The following ROBO1 variants were observed in gnomAD, a reference collection of about 807,000 sequenced individuals.
The protein encoded by ROBO1 is roundabout homolog 1.
Under a neutral mutation model 195.9 loss-of-function variants are expected in ROBO1, and 149 were observed. The observed-to-expected ratio is 0.76, with a 90% CI of 0.67 to 0.87. The LOEUF is 0.87. Among genes scored for constraint, ROBO1 ranks in the 40% least tolerant of loss-of-function variants. ROBO1 has a pLI of 0.00. For missense variants in ROBO1, 1,933 were observed against 2,068.3 expected, an observed-to-expected ratio of 0.93 and a Z score of 1.27; for synonymous variants, 816 against 733.2, an observed-to-expected ratio of 1.11 and a Z score of -1.82.
intron 2 of ROBO1, among the ~76,000 whole-genome samples, chr3:79,575,310 TATATATATAAC>T (rs2107765607): frequency 8.3e-6 from 1 of 120,674 alleles, no homozygotes; most frequent in South Asian, 2.4e-4. Context: ...TATATATAAA[TATATATATAAC>T]ATATATATAA....
At chr3:78,711,583 T>A (rs2081748561) in intron 8 of ROBO1, among the ~76,000 whole-genome samples, 1 of 150,786 alleles carries the variant, frequency 6.6e-6, no homozygotes, top group East Asian at 2.0e-4. Flanking sequence ...TCTCGCAGGT[T>A]CAAGCGATTC....
chr3:79,372,048 TGCCGC>T (rs2036214131), intron 2 of ROBO1, among the ~76,000 whole-genome samples: 1 of 152,022 alleles, frequency 6.6e-6, no homozygotes, highest in African/African-American at 2.4e-5. Flanking sequence ...GAGAATCTAG[TGCCGC>T]AGCTGATCTG....
chr3:79,014,389 C>T (rs1576566954), intron 3 of ROBO1, among the ~76,000 whole-genome samples: 1 of 152,154 alleles, frequency 6.6e-6, no homozygotes, highest in South Asian at 2.1e-4. Flanking sequence ...AGGAGAATCA[C>T]GTGAACCCAG....
intron 1 of ROBO1, among the ~76,000 whole-genome samples, chr3:79,629,871 A>C (rs1440411200): frequency 1.3e-5 from 2 of 152,070 alleles, no homozygotes; most frequent in African/African-American, 4.8e-5. Context: ...CTCTATGCAC[A>C]CAAAAAACCA....
intron 2 of ROBO1, among the ~76,000 whole-genome samples, chr3:79,262,990 G>A (rs2082968619): frequency 6.6e-6 from 1 of 152,040 alleles, no homozygotes; most frequent in Admixed American, 6.6e-5. Flanking sequence ...AGATTAGAGA[G>A]TTTTAGGGAC....
intron 1 of ROBO1, among the ~76,000 whole-genome samples, chr3:79,611,584 G>A (rs913271977): frequency 6.6e-6 from 1 of 152,132 alleles, no homozygotes; most frequent in Non-Finnish European, 1.5e-5. Flanking sequence ...CATGTCCTTT[G>A]CAGGGACATG....
At chr3:79,518,689 T>C (rs1222779076) in intron 2 of ROBO1, among the ~76,000 whole-genome samples, 1 of 151,934 alleles carries the variant, frequency 6.6e-6, no homozygotes, top group Non-Finnish European at 1.5e-5. Flanking sequence ...TTATTATTAT[T>C]ATTATTTTTA....
At chr3:78,711,779 A>G (rs1014601523) in intron 8 of ROBO1, among the ~76,000 whole-genome samples, 5 of 150,800 alleles carry the variant, frequency 3.3e-5, no homozygotes, top group Non-Finnish European at 5.9e-5. Flanking sequence ...ATGAGCCACC[A>G]CGCCCGGCCC....
chr3:79,025,950 G>C (rs189208450), intron 3 of ROBO1, among the ~76,000 whole-genome samples: 1 of 152,084 alleles, frequency 6.6e-6, no homozygotes, highest in Non-Finnish European at 1.5e-5. Context: ...CTTTCTACCA[G>C]AATAATCAGC....
At chr3:78,906,593 A>G (rs564204547) in intron 4 of ROBO1, among the ~76,000 whole-genome samples, 2 of 152,240 alleles carry the variant, frequency 1.3e-5, no homozygotes, top group Non-Finnish European at 2.9e-5. Flanking sequence ...GTAGTACATC[A>G]TTATTCTAAC....
intron 2 of ROBO1, among the ~76,000 whole-genome samples, chr3:79,449,482 G>A (rs373081847): frequency 1.4e-5 from 2 of 147,464 alleles, no homozygotes; most frequent in South Asian, 4.9e-4. Context: ...TTATAGATAT[G>A]TTCTGATGAG....
chr3:78,696,753 T>C (rs903601722), intron 8 of ROBO1, among the ~76,000 whole-genome samples: 9 of 145,808 alleles, frequency 6.2e-5, no homozygotes, highest in Non-Finnish European at 1.0e-4. Flanking sequence ...TATATACACA[T>C]ATATATATAT....
At chr3:79,244,512 C>T (rs1398069092) in intron 2 of ROBO1, among the ~76,000 whole-genome samples, 2 of 152,076 alleles carry the variant, frequency 1.3e-5, no homozygotes, top group Non-Finnish European at 2.9e-5. Context: ...CAAAATTCTC[C>T]AGTTGTCTCT....
rs747155572 is a variant in ROBO1, at chr3:78,688,722, G to A, written c.1096C>T (p.Arg366Trp). Residue 366 changes from arginine to tryptophan, a missense_variant, in exon 9 of 31, where the codon CGG becomes TGG. Coordinates refer to ENST00000464233, the MANE Select transcript of ROBO1 (RefSeq NM_002941.4). ...GCTTCACACTGAAAAGTTACAGTCC[G>A]TCCCAAAGCAACAACCTGGTCACGG... ...KPRDQVVALG[R>W]TVTFQCEATG... 27 of 1,608,582 alleles carry A rather than the reference G, an allele frequency of 1.7e-5. No homozygotes were observed. The East Asian group carries it at 2.7e-4, about 16-fold the overall frequency.
At chr3:79,719,500 T>G (rs1213285354) in intron 1 of ROBO1, among the ~76,000 whole-genome samples, 2 of 152,122 alleles carry the variant, frequency 1.3e-5, no homozygotes, top group African/African-American at 4.8e-5. Flanking sequence ...CTACATAACA[T>G]GTAAATAGAA....
At chr3:78,930,704 C>T (rs2039473634) in intron 4 of ROBO1, among the ~76,000 whole-genome samples, 1 of 152,152 alleles carries the variant, frequency 6.6e-6, no homozygotes, top group Admixed American at 6.6e-5. Context: ...GTCCCCAAAT[C>T]TAATCCTCTC....
chr3:79,378,178 A>T (rs1312689061), intron 2 of ROBO1, among the ~76,000 whole-genome samples: 16 of 128,196 alleles, frequency 1.2e-4, no homozygotes, highest in African/African-American at 5.0e-4. Flanking sequence ...TCTCTCTCTC[A>T]CTATCACACA....
At chr3:78,689,958 C>T (rs1195512906) in intron 8 of ROBO1, among the ~76,000 whole-genome samples, 1 of 149,738 alleles carries the variant, frequency 6.7e-6, no homozygotes, top group Non-Finnish European at 1.5e-5. Flanking sequence ...CTTAATATTT[C>T]TTGGTCAGTT....
rs550840140 is a variant in ROBO1, at chr3:79,212,724, G to C, written c.89-87185C>G. 3.3e-5 allele frequency among the ~76,000 whole-genome samples: 5 copies of C among 152,036 alleles called. No homozygotes were observed. The East Asian group carries it at 7.8e-4, about 24-fold the overall frequency. On this transcript the variant is annotated intron_variant, in intron 2 of 30. Transcript: ENST00000464233. ...AGTCCCAGCTACTTGGGAGGCTGAGGCATGAGAATTGCTTGAACCCCAGAG... is the reference window on the plus strand; with the variant it reads ...AGTCCCAGCTACTTGGGAGGCTGAGCCATGAGAATTGCTTGAACCCCAGAG...
Sources: gnomAD v4.1 joint callset for allele counts (sites outside exome capture counted in the v4.1 genomes callset) on GRCh38, gnomAD v4.1.1 for gene constraint, MANE v1.5 for transcripts, NCBI Gene and HGNC (gene_info 2026-07-23, HGNC 2026-07-21) for gene names.